LRRC61: variants seen among roughly 807,000 people sequenced by gnomAD.
LRRC61 encodes leucine rich repeat containing 61.
A neutral mutation model predicts 15.1 loss-of-function variants in LRRC61; 9 were observed. The ratio of observed to expected loss-of-function variants is 0.60; its 90% confidence interval spans 0.36 to 1.04. The LOEUF is 1.04. LRRC61 is among the 50% of genes least tolerant of loss of function. The pLI is 0.01. For synonymous variants in LRRC61, 173 were observed against 158.6 expected (o/e 1.09, Z -0.68); for missense variants, 344 against 335.6 (o/e 1.03, Z -0.20).
At chr7:150,314,754 G>A in the LRRC61 span, among the ~76,000 whole-genome samples, 20 of 143,738 alleles carry the variant, frequency 1.4e-4, no homozygotes, top group South Asian at 2.8e-3. Flanking sequence ...GAGCAACATG[G>A]CAAAATCCCA....
upstream of LRRC61, among the ~76,000 whole-genome samples, chr7:150,320,397 G>C (rs1797381464): frequency 6.6e-6 from 1 of 152,190 alleles, no homozygotes; most frequent in Admixed American, 6.5e-5. Flanking sequence ...TTATTCTCTT[G>C]TGCAATTAAT....
In LRRC61 at chr7:150,330,857, G is replaced by A. The variant is rs201560617; in HGVS notation, c.-145+4847G>A. 1.2e-6 allele frequency: 2 copies of A among 1,609,228 alleles called. No individual in the cohort carries two copies. The highest frequency in any genetic ancestry group is 1.3e-5 in the African/African-American group (1 of 74,930). ...AGGGGAGAAGCCAGGGGGAGCCTCT[G>A]CAGAGCAGCAGCCACTCTGGGGCCT... On this transcript the variant is annotated intron_variant, in intron 2 of 2. Coordinates refer to ENST00000359623, the MANE Select transcript of LRRC61 (RefSeq NM_001142928.2). This position sits in a 1 kb window ranked among gnomAD's most constrained non-coding sequence, Gnocchi z 4.6.
the LRRC61 span, among the ~76,000 whole-genome samples, chr7:150,315,477 G>C: frequency 6.6e-6 from 1 of 152,086 alleles, no homozygotes; most frequent in Non-Finnish European, 1.5e-5. Context: ...AAAAAATACA[G>C]AAAACATGCT....
chr7:150,325,381 C>T lies in LRRC61; in HGVS notation c.-314-460C>T, dbSNP rs558091828. Among the ~76,000 whole-genome samples the T allele has an allele frequency of 3.9e-5, 6 of 152,354 alleles. No homozygotes were observed. The South Asian group carries it at 6.2e-4, about 16-fold the overall frequency. On this transcript the variant is annotated intron_variant, in intron 1 of 2. Coordinates refer to ENST00000359623, the MANE Select transcript of LRRC61 (RefSeq NM_001142928.2). ...TGGGCAGGCGTGCAGCCCAAAAGGC[C>T]GTGCTTCAGCTTAGAAGCCCTTGGA... is the stretch of plus-strand genomic sequence containing the variant.
At chr7:150,334,138 C>G (rs1261009030) in intron 2 of LRRC61, 7 of 984,114 alleles carry the variant, frequency 7.1e-6, no homozygotes, top group South Asian at 9.4e-5. Context: ...CTTCTTTGCT[C>G]TCTCCCTTTG....
At chr7:150,327,933 C>T (rs570324163) in intron 2 of LRRC61, among the ~76,000 whole-genome samples, 2 of 152,300 alleles carry the variant, frequency 1.3e-5, no homozygotes, top group African/African-American at 2.4e-5. Context: ...GGAAGGCCCC[C>T]GGTTGCTTCT....
upstream of LRRC61, among the ~76,000 whole-genome samples, chr7:150,321,076 G>A (rs1267049522): frequency 6.6e-6 from 1 of 152,158 alleles, no homozygotes; most frequent in African/African-American, 2.4e-5. Context: ...GAATCCTGCT[G>A]AGTCAGTTCA....
chr7:150,319,680 C>G (rs1159366399), upstream of LRRC61, among the ~76,000 whole-genome samples: 1 of 152,166 alleles, frequency 6.6e-6, no homozygotes, highest in Non-Finnish European at 1.5e-5. Flanking sequence ...TGTTTGTTTG[C>G]CCAGACTCCA....
the LRRC61 span, among the ~76,000 whole-genome samples, chr7:150,315,155 A>T: frequency 6.7e-6 from 1 of 148,538 alleles, no homozygotes; most frequent in Non-Finnish European, 1.5e-5. Context: ...TTATTATTTT[A>T]AAAATACATA....
At position 150,337,601 on chromosome 7, in the gene LRRC61, T is replaced by TAC; in HGVS notation, c.741_742dup (p.Leu248HisfsTer79). 6.4e-7 allele frequency: 1 copy of TAC among 1,553,276 alleles called. No individual in the cohort carries two copies. The highest frequency in any genetic ancestry group is 8.7e-7 in the Non-Finnish European group (1 of 1,152,082). ...GACAGCCTGGCCCAGGCGGAGCAGG[T>TAC]ACTCAGCTCTGCGGGCCCCACCTCT... On this transcript the variant is annotated frameshift_variant, in exon 3 of 3. Transcript: ENST00000359623. LOFTEE classifies it high-confidence loss of function.
chr7:150,311,815 C>T, the LRRC61 span, among the ~76,000 whole-genome samples: 1 of 152,236 alleles, frequency 6.6e-6, no homozygotes, highest in African/African-American at 2.4e-5. Flanking sequence ...TCCACTACTT[C>T]CCAACAAGCG....
upstream of LRRC61, among the ~76,000 whole-genome samples, chr7:150,322,029 T>C (rs1797569535): frequency 6.6e-6 from 1 of 152,216 alleles, no homozygotes; most frequent in South Asian, 2.1e-4. Context: ...TTGGTGCACA[T>C]GTGGAACCAA....
the LRRC61 span, among the ~76,000 whole-genome samples, chr7:150,310,179 G>A: frequency 6.6e-6 from 1 of 152,134 alleles, no homozygotes; most frequent in African/African-American, 2.4e-5. Flanking sequence ...CCTCACTGCT[G>A]TCCTTTTGCC....
chr7:150,330,372 G>T lies in LRRC61; in HGVS notation c.-145+4362G>T. 2 of 762,238 alleles carry T rather than the reference G, an allele frequency of 2.6e-6. No individual in the cohort carries two copies. The highest frequency in any genetic ancestry group is 2.7e-5 in the South Asian group (2 of 74,180). 47.2% of individuals were successfully genotyped at this position (762,238 alleles called of 1,614,324 possible). A position where few individuals can be genotyped will look rare whatever the true frequency, so the allele number is the denominator to read the frequency against. ...GTCGGCCACATTCTGGAGCCCGGCAGACAGCCTCAGCAAGCTCCTGTAGCC... is the reference window on the plus strand; with the variant it reads ...GTCGGCCACATTCTGGAGCCCGGCATACAGCCTCAGCAAGCTCCTGTAGCC... On this transcript the variant is annotated intron_variant, in intron 2 of 2. Transcript: ENST00000359623. The surrounding 1 kb of genome is among the most constrained non-coding windows in gnomAD (Gnocchi z 4.6).
rs1798183010 is a variant in LRRC61, at chr7:150,333,606, C to G, written c.-144-3112C>G. Among the ~76,000 whole-genome samples the G allele has an allele frequency of 6.6e-6, 1 of 152,216 alleles. No individual in the cohort carries two copies. Among genetic ancestry groups the G allele is most frequent in the Non-Finnish European group, 1.5e-5 (1 of 68,036 alleles). On this transcript the variant is annotated intron_variant, in intron 2 of 2. Transcript: ENST00000359623. This position sits in a 1 kb window ranked among gnomAD's most constrained non-coding sequence, Gnocchi z 4.3. ...CTCACCAACGCCTGGGACCATCTTC[C>G]CTGGTTCTCAGTCAGCCTCCCTCAA...
chr7:150,330,617 T>A lies in LRRC61; in HGVS notation c.-145+4607T>A. On this transcript the variant is annotated intron_variant, in intron 2 of 2. Coordinates refer to ENST00000359623, the MANE Select transcript of LRRC61 (RefSeq NM_001142928.2). The surrounding 1 kb of genome is among the most constrained non-coding windows in gnomAD (Gnocchi z 4.6). ...ACAAGCTCTTCTACCGCGAGGAGTT[T>A]GTGCTGGCCACCTTGCTGGACCCTT... The A allele has an allele frequency of 1.2e-6, 1 of 856,518 alleles. No individual in the cohort carries two copies. The highest frequency in any genetic ancestry group is 2.1e-6 in the Non-Finnish European group (1 of 487,432). The allele number at this position is 856,518 out of a possible 1,614,324, so 53.1% of individuals were successfully genotyped here. A position where few individuals can be genotyped will look rare whatever the true frequency, so the allele number is the denominator to read the frequency against.
the LRRC61 span, among the ~76,000 whole-genome samples, chr7:150,313,808 G>A: frequency 2.0e-5 from 3 of 152,182 alleles, no homozygotes; most frequent in Non-Finnish European, 4.4e-5. Context: ...GACAGACACT[G>A]GAAGGGCTCA....
At position 150,333,572 on chromosome 7, in the gene LRRC61, C is replaced by A. The variant is rs1798181134; in HGVS notation, c.-144-3146C>A. Among the ~76,000 whole-genome samples, 1 of 152,192 alleles carries A rather than the reference C, an allele frequency of 6.6e-6. No homozygotes were observed. Among genetic ancestry groups the A allele is most frequent in the Non-Finnish European group, 1.5e-5 (1 of 68,034 alleles). On this transcript the variant is annotated intron_variant, in intron 2 of 2. Transcript: ENST00000359623. This position sits in a 1 kb window ranked among gnomAD's most constrained non-coding sequence, Gnocchi z 4.3. ...TGCCCTGTGGGCCTCATTTCCCAGG[C>A]AGAAGACACTCACCAACGCCTGGGA... is the stretch of plus-strand genomic sequence containing the variant.
rs940535734 is a variant in LRRC61 at position 150,336,733 on chromosome 7, G to A, written c.-129G>A. 16 of 1,305,742 alleles carry A rather than the reference G, an allele frequency of 1.2e-5. 1 individual carries two copies. The highest frequency in any genetic ancestry group is 7.4e-5 in the African/African-American group (5 of 67,798). The allele number at this position is 1,305,742 out of a possible 1,614,324, so 80.9% of individuals were successfully genotyped here. On this transcript the variant is annotated 5_prime_UTR_variant, in exon 3 of 3. Transcript: ENST00000359623. ...CTCTCCTCAGGGACTGGCTGGCTTC[G>A]AGCAGGGCATCGGAACCAGGCCTCC...
Sources: allele counts gnomAD v4.1 joint callset (sites outside exome capture counted in the v4.1 genomes callset), GRCh38; gene constraint gnomAD v4.1.1; non-coding constraint Gnocchi (gnomAD v3.1); transcripts MANE v1.5; gene names NCBI Gene and HGNC (gene_info 2026-07-23, HGNC 2026-07-21).